Variants in LSAMP observed in about 807,000 individuals in gnomAD.
LSAMP encodes limbic system associated membrane protein, also known as limbic system-associated membrane protein.
A neutral mutation model predicts 38.6 loss-of-function variants in LSAMP; 7 were observed. The observed-to-expected ratio is 0.18, with a 90% CI of 0.10 to 0.34. The LOEUF (loss-of-function observed/expected upper bound fraction) is 0.34. LSAMP is among the 10% of genes least tolerant of loss of function. LSAMP has a pLI of 1.00. For missense variants in LSAMP, 313 were observed against 420.0 expected (o/e 0.75, Z 2.23); for synonymous variants, 154 against 166.8 (o/e 0.92, Z 0.59).
At chr3:115,982,257 A>G (rs1320424533) in intron 3 of LSAMP, among the ~76,000 whole-genome samples, 2 of 152,176 alleles carry the variant, frequency 1.3e-5, no homozygotes, top group African/African-American at 2.4e-5. Flanking sequence ...TGAAGGAGAT[A>G]TTTACAGGCA....
At chr3:116,299,273 G>A (rs1016990709) in intron 1 of LSAMP, among the ~76,000 whole-genome samples, 4 of 152,192 alleles carry the variant, frequency 2.6e-5, no homozygotes, top group African/African-American at 9.7e-5. Flanking sequence ...GGTCACTGAT[G>A]TATAATCTGA....
At chr3:116,214,926 A>T (rs964387598) in intron 1 of LSAMP, among the ~76,000 whole-genome samples, 2 of 152,144 alleles carry the variant, frequency 1.3e-5, no homozygotes, top group Non-Finnish European at 2.9e-5. Flanking sequence ...CTGTGACTAA[A>T]CCTATTTTAA....
chr3:116,428,714 A>C (rs1357429836), intron 1 of LSAMP, among the ~76,000 whole-genome samples: 2 of 152,186 alleles, frequency 1.3e-5, no homozygotes, highest in Admixed American at 1.3e-4. Context: ...TCTTGGGACT[A>C]AAATTGAGTG....
At chr3:115,938,186 T>C (rs149904087) in intron 3 of LSAMP, among the ~76,000 whole-genome samples, 3 of 152,270 alleles carry the variant, frequency 2.0e-5, no homozygotes, top group African/African-American at 7.2e-5. Flanking sequence ...AATGAATAGA[T>C]AATTTATTAT....
chr3:115,847,075 C>T (rs1265876063), intron 4 of LSAMP, among the ~76,000 whole-genome samples: 1 of 152,116 alleles, frequency 6.6e-6, no homozygotes, highest in Admixed American at 6.5e-5. Flanking sequence ...AGTGATTGCA[C>T]ATATTATTTT....
At chr3:115,968,066 A>G (rs1405128010) in intron 3 of LSAMP, among the ~76,000 whole-genome samples, 1 of 152,040 alleles carries the variant, frequency 6.6e-6, no homozygotes, top group Admixed American at 6.6e-5. Flanking sequence ...GAATGCTGCC[A>G]GGCCTGAGAC....
intron 3 of LSAMP, among the ~76,000 whole-genome samples, chr3:115,989,098 A>G (rs1375497523): frequency 6.6e-6 from 1 of 152,172 alleles, no homozygotes; most frequent in Non-Finnish European, 1.5e-5. Context: ...GTATAGTTCA[A>G]GTTATGTGGT....
At chr3:116,280,530 A>G (rs961163275) in intron 1 of LSAMP, among the ~76,000 whole-genome samples, 2 of 152,244 alleles carry the variant, frequency 1.3e-5, no homozygotes, top group African/African-American at 4.8e-5. Context: ...CAGACCCAGT[A>G]TTGGCATCTA....
intron 1 of LSAMP, among the ~76,000 whole-genome samples, chr3:116,434,776 T>C (rs2049325529): frequency 6.6e-6 from 1 of 152,162 alleles, no homozygotes; most frequent in Non-Finnish European, 1.5e-5. Context: ...GGTCTCGATC[T>C]CTTGACCTTG....
At chr3:116,001,079 T>C (rs1166177077) in intron 3 of LSAMP, among the ~76,000 whole-genome samples, 3 of 152,174 alleles carry the variant, frequency 2.0e-5, no homozygotes, top group African/African-American at 4.8e-5. Context: ...ATATTATTAC[T>C]AGCGGGTGCT....
At chr3:115,957,139 A>T (rs1938478203) in intron 3 of LSAMP, among the ~76,000 whole-genome samples, 1 of 152,218 alleles carries the variant, frequency 6.6e-6, no homozygotes, top group African/African-American at 2.4e-5. Flanking sequence ...TTTATGTAGT[A>T]AAGATATCCA....
At chr3:115,870,617 GA>G (rs1442310161) in intron 3 of LSAMP, among the ~76,000 whole-genome samples, 2 of 152,162 alleles carry the variant, frequency 1.3e-5, no homozygotes, top group African/African-American at 4.8e-5. Flanking sequence ...CTCTGGTGGT[GA>G]TTTTGATGTA....
At chr3:115,859,153 T>G (rs1210074881) in intron 3 of LSAMP, among the ~76,000 whole-genome samples, 1 of 152,206 alleles carries the variant, frequency 6.6e-6, no homozygotes, top group African/African-American at 2.4e-5. Flanking sequence ...GAGAGACCCC[T>G]TAGTGTTTGA....
intron 1 of LSAMP, among the ~76,000 whole-genome samples, chr3:116,112,506 A>T (rs922737439): frequency 2.0e-5 from 3 of 152,208 alleles, no homozygotes; most frequent in African/African-American, 4.8e-5. Context: ...CAATCTGAAA[A>T]AGAATCATTC....
chr3:116,414,035 G>A (rs1005837629), intron 1 of LSAMP, among the ~76,000 whole-genome samples: 5 of 152,036 alleles, frequency 3.3e-5, no homozygotes, highest in Admixed American at 6.6e-5. Flanking sequence ...CAGGAAAGGC[G>A]GCTGGATGAA....
chr3:116,101,241 G>A (rs562406033), intron 1 of LSAMP, among the ~76,000 whole-genome samples: 30 of 152,174 alleles, frequency 2.0e-4, no homozygotes, highest in African/African-American at 4.3e-4. Flanking sequence ...TGTTGAAAGC[G>A]GAGAAGTTGT....
At chr3:116,089,488 G>T (rs1359435684) in intron 1 of LSAMP, among the ~76,000 whole-genome samples, 1 of 152,130 alleles carries the variant, frequency 6.6e-6, no homozygotes, top group African/African-American at 2.4e-5. Context: ...CTCCCGAGTA[G>T]CTGGCACTAC....
chr3:116,370,343 G>C (rs1402022980), intron 1 of LSAMP, among the ~76,000 whole-genome samples: 1 of 152,174 alleles, frequency 6.6e-6, no homozygotes, highest in African/African-American at 2.4e-5. Flanking sequence ...AAAGATGATG[G>C]AGAAGGAAGC....
intron 1 of LSAMP, among the ~76,000 whole-genome samples, chr3:116,132,868 G>C (rs1440634563): frequency 6.6e-6 from 1 of 152,216 alleles, no homozygotes; most frequent in South Asian, 2.1e-4. Flanking sequence ...TGATGTTCAC[G>C]TGAGAGAACC....
Sources: allele counts gnomAD v4.1 joint callset (sites outside exome capture counted in the v4.1 genomes callset), GRCh38; gene constraint gnomAD v4.1.1; transcripts MANE v1.5; gene names NCBI Gene and HGNC (gene_info 2026-07-23, HGNC 2026-07-21).